The following FUT8 variants were observed in gnomAD, a reference collection of about 807,000 sequenced individuals.
The protein encoded by FUT8 is fucosyltransferase 8.
FUT8 carries 29 observed loss-of-function variants against 71.3 expected under a neutral mutation model. The observed-to-expected ratio is 0.41, with a 90% CI of 0.30 to 0.55. The LOEUF (loss-of-function observed/expected upper bound fraction) is 0.55, where lower values mean the gene tolerates loss of function less well. FUT8 is among the 20% of genes least tolerant of loss of function. The pLI is 0.34. For synonymous variants in FUT8, 254 were observed against 239.3 expected (o/e 1.06, Z -0.57); for missense variants, 544 against 702.1 (o/e 0.77, Z 2.55).
intron 2 of FUT8, among the ~76,000 whole-genome samples, chr14:65,459,938 A>G (rs1242266905): frequency 3.3e-5 from 5 of 152,242 alleles, no homozygotes; most frequent in Admixed American, 6.5e-5. Flanking sequence ...GGAACATTTT[A>G]CAATGAAAAT....
chr14:65,564,705 A>G (rs1195815477), intron 3 of FUT8, among the ~76,000 whole-genome samples: 2 of 151,982 alleles, frequency 1.3e-5, no homozygotes, highest in Non-Finnish European at 2.9e-5. Flanking sequence ...TGTCCCTGGC[A>G]CTTAACTGAT....
At chr14:65,675,503 A>G (rs1261062041) in intron 7 of FUT8, among the ~76,000 whole-genome samples, 1 of 152,212 alleles carries the variant, frequency 6.6e-6, no homozygotes, top group Non-Finnish European at 1.5e-5. Context: ...TCTCAGTAGC[A>G]TGAATTTACC....
At chr14:65,585,045 A>AT (rs1887304630) in intron 3 of FUT8, among the ~76,000 whole-genome samples, 1 of 152,144 alleles carries the variant, frequency 6.6e-6, no homozygotes, top group Admixed American at 6.5e-5. Flanking sequence ...ATTTATTTAA[A>AT]CAGATCTGTT....
At chr14:65,440,944 T>G (rs184471587) in intron 1 of FUT8, among the ~76,000 whole-genome samples, 1 of 152,280 alleles carries the variant, frequency 6.6e-6, no homozygotes, top group Admixed American at 6.5e-5. Context: ...TCTGCAACAA[T>G]TTATAACTGT....
intron 7 of FUT8, among the ~76,000 whole-genome samples, chr14:65,720,972 C>T (rs751144457): frequency 6.6e-6 from 1 of 152,134 alleles, no homozygotes; most frequent in Non-Finnish European, 1.5e-5. Flanking sequence ...TGCTCCCCCT[C>T]CCCCAAGCAC....
chr14:65,644,245 C>T (rs1415887204), intron 6 of FUT8, among the ~76,000 whole-genome samples: 1 of 151,966 alleles, frequency 6.6e-6, no homozygotes, highest in African/African-American at 2.4e-5. Flanking sequence ...AAAAGGAATA[C>T]AAAATATTAA....
chr14:65,412,537 C>G (rs1293069046), upstream of FUT8: 3 of 357,600 alleles, frequency 8.4e-6, no homozygotes, highest in African/African-American at 6.4e-5. Context: ...CGCTGCCCTG[C>G]TGGAACTGTG....
intron 1 of FUT8, among the ~76,000 whole-genome samples, chr14:65,425,714 A>C (rs1453760977): frequency 6.6e-6 from 1 of 152,164 alleles, no homozygotes; most frequent in East Asian, 1.9e-4. Context: ...GCAGTGGCTC[A>C]TGCCTGTAAT....
intron 2 of FUT8, among the ~76,000 whole-genome samples, chr14:65,555,190 A>G (rs953414322): frequency 1.3e-5 from 2 of 152,124 alleles, no homozygotes; most frequent in African/African-American, 4.8e-5. Flanking sequence ...AGCCTAAGAT[A>G]TTTATCTTGC....
intron 7 of FUT8, among the ~76,000 whole-genome samples, chr14:65,692,091 T>C (rs1396132425): frequency 1.3e-5 from 2 of 151,998 alleles, no homozygotes; most frequent in Non-Finnish European, 2.9e-5. Flanking sequence ...ATTGTCATCA[T>C]GGCCCGTTCT....
chr14:65,743,696 G>A lies in FUT8; in HGVS notation c.*1286G>A, dbSNP rs995873692. ...GCGGGACCAATGGGAGACTCACAAT[G>A]GACTGAGTCTTGGGATTATCTTTTC... On this transcript the variant is annotated 3_prime_UTR_variant, in exon 11 of 11. Transcript: ENST00000673929. 1 of 151,824 alleles carries A rather than the reference G, an allele frequency of 6.6e-6. No individual in the cohort carries two copies. The highest frequency in any genetic ancestry group is 1.5e-5 in the Non-Finnish European group (1 of 67,876). The allele number at this position is 151,824 out of a possible 1,614,324, so 9.4% of individuals were successfully genotyped here.
At chr14:65,479,725 A>G (rs888562493) in intron 2 of FUT8, 1 of 152,022 alleles carries the variant, frequency 6.6e-6, no homozygotes, top group Non-Finnish European at 1.5e-5. Flanking sequence ...TTGACCAGCA[A>G]TAAGTTGAAT....
At chr14:65,521,376 A>T (rs1173507038) in intron 2 of FUT8, among the ~76,000 whole-genome samples, 1 of 152,166 alleles carries the variant, frequency 6.6e-6, no homozygotes, top group Non-Finnish European at 1.5e-5. Context: ...GGCTTCTTTT[A>T]TACACTCACA....
chr14:65,741,309 T>G (rs909794977), intron 10 of FUT8, among the ~76,000 whole-genome samples: 3 of 149,360 alleles, frequency 2.0e-5, no homozygotes, highest in African/African-American at 7.7e-5. Flanking sequence ...AGCATGCCAC[T>G]CTCTACACAG....
At chr14:65,422,360 G>A (rs2065311309) in intron 1 of FUT8, among the ~76,000 whole-genome samples, 1 of 152,170 alleles carries the variant, frequency 6.6e-6, no homozygotes, top group Non-Finnish European at 1.5e-5. Flanking sequence ...AAACAGTAGA[G>A]TTAGCCCATC....
rs1407705169 is a variant in FUT8 at position 65,632,999 on chromosome 14, T to TCCC, written c.597+3395_597+3397dup. Among the ~76,000 whole-genome samples, 123 of 100,792 alleles carry TCCC rather than the reference T, an allele frequency of 1.2e-3. 2 individuals carry two copies. Among genetic ancestry groups the TCCC allele is most frequent in the East Asian group, 8.0e-3 (14 of 1,760 alleles). 66.1% of individuals were successfully genotyped at this position (100,792 alleles called of 152,430 possible). ...GTCCTTTGCTCTCCCCTCTCCCCTC[T>TCCC]CCCCTCCCCCCCCCCGTCTCCCCAG... On this transcript the variant is annotated intron_variant, in intron 6 of 10. Coordinates refer to ENST00000673929, the MANE Select transcript of FUT8 (RefSeq NM_001371533.1).
At chr14:65,554,447 T>TATA (rs1306744547) in intron 2 of FUT8, among the ~76,000 whole-genome samples, 1 of 124,234 alleles carries the variant, frequency 8.0e-6, no homozygotes, top group African/African-American at 3.0e-5. Context: ...ATATATATAT[T>TATA]TATATCTATA....
At chr14:65,677,151 T>TGTGTGTGTGTGTGTGTGTGCGCGC in intron 7 of FUT8, among the ~76,000 whole-genome samples, 42 of 110,736 alleles carry the variant, frequency 3.8e-4, no homozygotes, top group South Asian at 6.0e-4. Flanking sequence ...TGTGTGTGTG[T>TGTGTGTGTGTGTGTGTGTGCGCGC]GCGCGCGCGC....
chr14:65,531,421 T>C (rs553592560), intron 2 of FUT8, among the ~76,000 whole-genome samples: 1 of 152,134 alleles, frequency 6.6e-6, no homozygotes, highest in Admixed American at 6.5e-5. Flanking sequence ...TTAATTAGCA[T>C]TGTGATTTAG....
Sources: allele counts gnomAD v4.1 joint callset (sites outside exome capture counted in the v4.1 genomes callset), GRCh38; gene constraint gnomAD v4.1.1; transcripts MANE v1.5; gene names NCBI Gene and HGNC (gene_info 2026-07-23, HGNC 2026-07-21).